The following SASS6 variants were observed in gnomAD, a reference collection of about 807,000 sequenced individuals.
SASS6 encodes SAS-6 centriolar assembly protein.
Under a neutral mutation model 94.9 loss-of-function variants are expected in SASS6, and 59 were observed. The ratio of observed to expected loss-of-function variants is 0.62; its 90% confidence interval spans 0.50 to 0.77. The LOEUF (loss-of-function observed/expected upper bound fraction) is 0.77. Among genes scored for constraint, SASS6 ranks in the 30% least tolerant of loss-of-function variants. SASS6 has a pLI of 0.00. For missense variants in SASS6, 698 were observed against 734.1 expected (o/e 0.95, Z 0.57); for synonymous variants, 264 against 270.0 (o/e 0.98, Z 0.22).
intron 1 of SASS6, among the ~76,000 whole-genome samples, chr1:100,126,722 G>A (rs1171300278): frequency 6.6e-6 from 1 of 152,102 alleles, no homozygotes; most frequent in Non-Finnish European, 1.5e-5. Flanking sequence ...GCTGCAGTGA[G>A]CCAATACTGC....
chr1:100,130,465 G>C, intron 1 of SASS6, among the ~76,000 whole-genome samples: 1 of 152,152 alleles, frequency 6.6e-6, no homozygotes, highest in Non-Finnish European at 1.5e-5. Context: ...AGGATCACTT[G>C]AGCCCAGGTG....
At chr1:100,102,677 A>AT (rs1269259178) in intron 14 of SASS6, among the ~76,000 whole-genome samples, 1 of 137,902 alleles carries the variant, frequency 7.3e-6, no homozygotes, top group African/African-American at 2.5e-5. Context: ...GACTGTCTCA[A>AT]AAAAAAAAAA....
At chr1:100,098,549 T>C (rs1431838532) in intron 14 of SASS6, among the ~76,000 whole-genome samples, 3 of 152,112 alleles carry the variant, frequency 2.0e-5, no homozygotes, top group Non-Finnish European at 4.4e-5. Context: ...TAGTCACCAG[T>C]TATGCAAAAA....
At chr1:100,090,265 G>GA (rs1325142901) in intron 14 of SASS6, among the ~76,000 whole-genome samples, 7 of 151,980 alleles carry the variant, frequency 4.6e-5, no homozygotes, top group African/African-American at 1.4e-4. Context: ...CAGAATGTCA[G>GA]AATGGATTCA....
intron 14 of SASS6, among the ~76,000 whole-genome samples, chr1:100,094,000 G>C (rs1651942203): frequency 6.6e-6 from 1 of 152,058 alleles, no homozygotes; most frequent in Non-Finnish European, 1.5e-5. Flanking sequence ...GGAGAAATCA[G>C]TAAATTGAAA....
At chr1:100,113,724 A>C (rs1653569027) in intron 7 of SASS6, among the ~76,000 whole-genome samples, 1 of 152,148 alleles carries the variant, frequency 6.6e-6, no homozygotes, top group South Asian at 2.1e-4. Flanking sequence ...TGAAATGAAA[A>C]ACTAGTTCTT....
intron 8 of SASS6, 31 bp downstream of exon 8, chr1:100,110,261 T>C (rs772758402): frequency 2.9e-6 from 4 of 1,358,638 alleles, no homozygotes; most frequent in Non-Finnish European, 4.0e-6. Flanking sequence ...TTCTCTTAAA[T>C]TGGGGGAGGA....
At chr1:100,092,598 T>C (rs573117300) in intron 14 of SASS6, among the ~76,000 whole-genome samples, 2 of 152,176 alleles carry the variant, frequency 1.3e-5, no homozygotes, top group East Asian at 3.9e-4. Flanking sequence ...GTTTTTGAGA[T>C]GGAGTCTCGC....
intron 1 of SASS6, 90 bp from the exon 2 acceptor site, chr1:100,126,032 C>T (rs1654593867): frequency 4.5e-6 from 3 of 664,350 alleles, no homozygotes; most frequent in Admixed American, 2.9e-5. Context: ...TCTTAAGTGA[C>T]AAGACTTTCC....
At chr1:100,128,024 A>T (rs72971887) in intron 1 of SASS6, among the ~76,000 whole-genome samples, 1 of 151,826 alleles carries the variant, frequency 6.6e-6, no homozygotes, top group African/African-American at 2.4e-5. Flanking sequence ...GTTTATTTTT[A>T]TTTTAATTAT....
intron 8 of SASS6, among the ~76,000 whole-genome samples, chr1:100,109,975 C>T (rs1021812784): frequency 3.3e-5 from 5 of 151,332 alleles, no homozygotes; most frequent in African/African-American, 9.7e-5. Flanking sequence ...GAAAAAAAAC[C>T]CCAGCCCTGT....
chr1:100,098,467 A>G (rs1231371125), intron 14 of SASS6, among the ~76,000 whole-genome samples: 1 of 152,208 alleles, frequency 6.6e-6, no homozygotes, highest in East Asian at 1.9e-4. Flanking sequence ...AACATAACCT[A>G]CAAATATATA....
At chr1:100,108,708 T>G (rs181612159) in intron 8 of SASS6, among the ~76,000 whole-genome samples, 7 of 152,222 alleles carry the variant, frequency 4.6e-5, no homozygotes, top group South Asian at 2.1e-4. Context: ...CAAACTTTAG[T>G]ATCAAACAAA....
chr1:100,088,465 T>C (rs892029969), intron 14 of SASS6, among the ~76,000 whole-genome samples: 1 of 152,168 alleles, frequency 6.6e-6, no homozygotes, highest in Non-Finnish European at 1.5e-5. Flanking sequence ...TAATTTTTTA[T>C]TTCTTGTAGA....
At chr1:100,107,266 G>GT (rs1652975383) in intron 11 of SASS6, 108 bp downstream of exon 11, 1 of 704,544 alleles carries the variant, frequency 1.4e-6, no homozygotes, top group South Asian at 1.9e-5. Flanking sequence ...ATGTTCTTTT[G>GT]TTAAAAAAAA....
At chr1:100,123,579 C>T (rs1178077186) in intron 2 of SASS6, among the ~76,000 whole-genome samples, 1 of 152,212 alleles carries the variant, frequency 6.6e-6, no homozygotes, top group African/African-American at 2.4e-5. Flanking sequence ...GAAATTTAGA[C>T]CCAGTCCTTG....
intron 2 of SASS6, among the ~76,000 whole-genome samples, chr1:100,123,725 A>C (rs1039978479): frequency 6.6e-6 from 1 of 152,226 alleles, no homozygotes; most frequent in African/African-American, 2.4e-5. Context: ...AATAATCCAC[A>C]CTAGAAAAAA....
chr1:100,087,450 A>G (rs979985376), intron 15 of SASS6, among the ~76,000 whole-genome samples: 1 of 152,232 alleles, frequency 6.6e-6, no homozygotes, highest in Non-Finnish European at 1.5e-5. Flanking sequence ...AAAGCCATTA[A>G]ATTTAATAAA....
chr1:100,119,619 G>T (rs746553287), intron 6 of SASS6, among the ~76,000 whole-genome samples: 9 of 152,186 alleles, frequency 5.9e-5, no homozygotes, highest in Non-Finnish European at 1.3e-4. Context: ...CCTGTGGTAG[G>T]TGATTGGATC....
Sources: allele counts gnomAD v4.1 joint callset (sites outside exome capture counted in the v4.1 genomes callset), GRCh38; gene constraint gnomAD v4.1.1; transcripts MANE v1.5; gene names NCBI Gene and HGNC (gene_info 2026-07-23, HGNC 2026-07-21).